ZNF550: variants seen among roughly 807,000 people sequenced by gnomAD.
ZNF550 encodes zinc finger protein 550.
In ZNF550, 42 loss-of-function variants were observed where a neutral mutation model predicts 40.2. The ratio of observed to expected loss-of-function variants is 1.05; its 90% CI spans 0.82 to 1.35. The LOEUF (loss-of-function observed/expected upper bound fraction) is 1.35. ZNF550 is among the 40% of genes most tolerant of loss of function. ZNF550 has a pLI of 0.00. For synonymous variants in ZNF550, 223 were observed against 198.6 expected (o/e 1.12, Z -1.03); for missense variants, 549 against 525.2 (o/e 1.05, Z -0.44).
chr19:57,547,111 T>C (rs1268737354), exon 4 of ZNF550: 1 of 1,613,802 alleles, frequency 6.2e-7, no homozygotes, highest in Non-Finnish European at 8.5e-7. Flanking sequence ...GTGAAAGGCT[T>C]TCCCACACTG....
intron 2 of ZNF550, 121 bp downstream of exon 2, chr19:57,556,110 G>C (rs2090118227): frequency 7.6e-7 from 1 of 1,322,546 alleles, no homozygotes; most frequent in Non-Finnish European, 1.1e-6. Context: ...AGGGAGACCA[G>C]TCAGGAAGAG....
intron 3 of ZNF550, 69 bp from the exon 4 acceptor site, chr19:57,548,062 C>A: frequency 7.3e-7 from 1 of 1,378,814 alleles, no homozygotes; most frequent in Non-Finnish European, 9.9e-7. Flanking sequence ...AAAATAACCA[C>A]TTCAGTAGGA....
At chr19:57,543,511 CAACT>C in intron 4 of ZNF550, 1 of 655,522 alleles carries the variant, frequency 1.5e-6, no homozygotes, top group South Asian at 6.8e-5. Flanking sequence ...TGAAGTGCAC[CAACT>C]GTGAATGGTC....
intron 2 of ZNF550, chr19:57,555,849 G>A (rs1469747527): frequency 1.1e-5 from 3 of 271,530 alleles, no homozygotes; most frequent in Non-Finnish European, 2.2e-5. Context: ...TATTGCTTAG[G>A]AAGATATCCG....
At chr19:57,552,183 G>A (rs2090078072) in intron 3 of ZNF550, among the ~76,000 whole-genome samples, 2 of 152,180 alleles carry the variant, frequency 1.3e-5, no homozygotes, top group Non-Finnish European at 2.9e-5. Context: ...ATATCACTCT[G>A]ATTTTGTTGA....
chr19:57,545,056 A>G (rs966091228), intron 4 of ZNF550, among the ~76,000 whole-genome samples: 10 of 152,232 alleles, frequency 6.6e-5, no homozygotes. Flanking sequence ...CGGGAGGCAG[A>G]GGTTGCAATG....
exon 5 of ZNF550, chr19:57,542,522 G>A (rs1005267319): frequency 6.6e-6 from 1 of 151,846 alleles, no homozygotes; most frequent in Non-Finnish European, 1.5e-5. Context: ...TTACATGGCA[G>A]TTAAAAACAA....
chr19:57,556,032 C>T, intron 2 of ZNF550, 199 bp downstream of exon 2: 2 of 593,480 alleles, frequency 3.4e-6, no homozygotes, highest in Non-Finnish European at 5.8e-6. Flanking sequence ...TCAGAATGGG[C>T]TGAGCACTGG....
intron 2 of ZNF550, chr19:57,553,415 TTTTC>T (rs1013271025): frequency 1.6e-4 from 24 of 152,094 alleles, no homozygotes; most frequent in East Asian, 1.9e-4. Flanking sequence ...CCAGAAGGCA[TTTTC>T]TTTCTTTCTT....
intron 4 of ZNF550, chr19:57,543,634 A>C (rs2089981020): frequency 2.0e-6 from 2 of 985,294 alleles, no homozygotes; most frequent in African/African-American, 1.7e-5. Context: ...AAAAACATGA[A>C]CATGAAAACG....
rs556760771 is a variant in ZNF550, at chr19:57,555,013, T to A, written c.154+1218A>T. The A allele has an allele frequency of 2.6e-5, 4 of 152,364 alleles. No individual in the cohort carries two copies. In the East Asian group the frequency reaches 7.7e-4, roughly 29 times the overall value. 9.4% of individuals were successfully genotyped at this position (152,364 alleles called of 1,614,324 possible). On this transcript the variant is annotated intron_variant, in intron 2 of 4. Coordinates refer to ENST00000457177, the Ensembl canonical transcript of ZNF550. ...TTCTTTCTAGAACTTATTTCAGTTG[T>A]CATCTATGGATTGATGTCCACCTTC...
chr19:57,559,897 C>T (rs1295101783), upstream of ZNF550: 7 of 432,476 alleles, frequency 1.6e-5, no homozygotes, highest in Admixed American at 3.9e-5. Context: ...CACGCCTTTT[C>T]CTGCGCCGGC....
intron 2 of ZNF550, chr19:57,555,914 T>C: frequency 3.0e-6 from 1 of 331,618 alleles, no homozygotes; most frequent in Non-Finnish European, 5.8e-6. Context: ...CCCCTTTCTC[T>C]AAGAACAGCC....
intron 3 of ZNF550, 99 bp from the exon 4 acceptor site, chr19:57,548,092 G>A (rs1440546498): frequency 6.3e-6 from 7 of 1,114,530 alleles, no homozygotes; most frequent in Admixed American, 4.5e-5. Flanking sequence ...TGAAAATAGT[G>A]CCTATGATAC....
chr19:57,547,872 C>G, exon 4 of ZNF550: 1 of 1,614,108 alleles, frequency 6.2e-7, no homozygotes, highest in Non-Finnish European at 8.5e-7. Flanking sequence ...CCCTAGCTCT[C>G]CCCAACCTCG....
At chr19:57,547,958 T>C (rs1599891206) in exon 4 of ZNF550, 3 of 1,613,632 alleles carry the variant, frequency 1.9e-6, no homozygotes, top group South Asian at 1.1e-5. Context: ...GGCGGGTAAG[T>C]GGTTGGCTCT....
chr19:57,558,376 GC>G (rs1474436554), intron 1 of ZNF550, among the ~76,000 whole-genome samples: 1 of 152,226 alleles, frequency 6.6e-6, no homozygotes, highest in Non-Finnish European at 1.5e-5. Flanking sequence ...ACCAAGTACA[GC>G]CTTGCAGACC....
At chr19:57,556,887 A>C (rs908689617) in intron 1 of ZNF550, 2 of 158,992 alleles carry the variant, frequency 1.3e-5, no homozygotes. Context: ...CTCAAGGTTT[A>C]ATGGAGTTAG....
intron 3 of ZNF550, chr19:57,552,277 G>A: frequency 4.9e-6 from 2 of 406,834 alleles, no homozygotes; most frequent in Admixed American, 4.3e-5. Context: ...TCAGTCCTGA[G>A]CATCTAGGTG....
Sources: allele counts gnomAD v4.1 joint callset (sites outside exome capture counted in the v4.1 genomes callset), GRCh38; gene constraint gnomAD v4.1.1; transcripts MANE v1.5; gene names NCBI Gene and HGNC (gene_info 2026-07-23, HGNC 2026-07-21).